CNTNAP3B: variants seen among roughly 807,000 people sequenced by gnomAD.
The protein encoded by CNTNAP3B is contactin associated protein family member 3B, also known as contactin-associated protein-like 3B.
Under a neutral mutation model 108.9 loss-of-function variants are expected in CNTNAP3B, and 25 were observed. The ratio of observed to expected loss-of-function variants is 0.23; its 90% CI spans 0.17 to 0.32. CNTNAP3B has a LOEUF of 0.32. Ranked by LOEUF, CNTNAP3B falls within the 10% of genes least tolerant of loss-of-function variation. The pLI, the probability that CNTNAP3B is intolerant of heterozygous loss-of-function variation, is 1.00. For synonymous variants in CNTNAP3B, 103 were observed against 473.4 expected (o/e 0.22, Z 10.16); for missense variants, 252 against 1,210.4 (o/e 0.21, Z 11.75).
chr9:41,943,510 G>A (rs1206346733), intron 13 of CNTNAP3B, among the ~76,000 whole-genome samples: 12 of 151,934 alleles, frequency 7.9e-5, no homozygotes, highest in Admixed American at 1.3e-4. Flanking sequence ...CTGCCACCAC[G>A]CCCAGCTAAT....
intron 4 of CNTNAP3B, among the ~76,000 whole-genome samples, chr9:42,001,780 T>C (rs1826010769): frequency 1.5e-5 from 2 of 133,226 alleles, no homozygotes; most frequent in Admixed American, 7.5e-5. Context: ...ATTAAGATTA[T>C]AGTTTTGATT....
At chr9:41,964,909 A>T (rs1361088597) in intron 10 of CNTNAP3B, among the ~76,000 whole-genome samples, 1 of 152,276 alleles carries the variant, frequency 6.6e-6, no homozygotes. Flanking sequence ...TGACACAATA[A>T]CTTGACATGT....
Position 42,119,170 on chromosome 9 carries a change from T to C in CNTNAP3B, c.85+9840A>G, listed in dbSNP as rs1828398191. ...ATCAATGTGCAAAAATCACAAGCAT[T>C]CTTATACACCAATAACAGACAAACA... is the stretch of plus-strand genomic sequence containing the variant. On this transcript the variant is annotated intron_variant, in intron 1 of 23. Coordinates refer to ENST00000377561, the MANE Select transcript of CNTNAP3B (RefSeq NM_001201380.3). Among the ~76,000 whole-genome samples the C allele has an allele frequency of 2.0e-5, 2 of 100,038 alleles. 1 individual carries two copies. The highest frequency in any genetic ancestry group is 8.0e-4 in the South Asian group (2 of 2,490). The allele number at this position is 100,038 out of a possible 152,430, so 65.6% of individuals were successfully genotyped here. A position where few individuals can be genotyped will look rare whatever the true frequency, so the allele number is the denominator to read the frequency against.
chr9:41,977,649 A>T (rs1307599693), intron 9 of CNTNAP3B, among the ~76,000 whole-genome samples: 1 of 124,330 alleles, frequency 8.0e-6, no homozygotes, highest in East Asian at 2.4e-4. Flanking sequence ...ACGGCGTCTC[A>T]CTCTGTCACC....
chr9:41,929,045 TG>T (rs1823899708), intron 15 of CNTNAP3B, among the ~76,000 whole-genome samples: 1 of 146,338 alleles, frequency 6.8e-6, no homozygotes, highest in African/African-American at 2.6e-5. Flanking sequence ...ATGATTGTTC[TG>T]GAAAAAATAC....
intron 3 of CNTNAP3B, among the ~76,000 whole-genome samples, chr9:42,024,509 A>C (rs1410044714): frequency 1.5e-4 from 14 of 94,878 alleles, no homozygotes; most frequent in African/African-American, 5.7e-4. Context: ...AGCTAGGTGC[A>C]TCAGGAGACT....
At chr9:41,957,488 A>G (rs1016937197) in intron 12 of CNTNAP3B, among the ~76,000 whole-genome samples, 1 of 124,286 alleles carries the variant, frequency 8.0e-6, no homozygotes, top group Non-Finnish European at 1.7e-5. Context: ...AGGTATCTCT[A>G]AGCTTAGGGA....
In CNTNAP3B at chr9:41,924,678, C is replaced by CACACACACACAT. The variant is rs1181966678; in HGVS notation, c.2366-586_2366-585insATGTGTGTGTGT. On this transcript the variant is annotated intron_variant, in intron 15 of 23. Transcript: ENST00000377561. ...ACACACACACACACACACACACACA[C>CACACACACACAT]ACACACACACACAGTCTTAATTCCT... is the stretch of plus-strand genomic sequence containing the variant. Among the ~76,000 whole-genome samples, 1,030 of 119,854 alleles carry CACACACACACAT rather than the reference C, an allele frequency of 8.6e-3. 3 individuals carry two copies. Among genetic ancestry groups the CACACACACACAT allele is most frequent in the Middle Eastern group, 0.013 (3 of 232 alleles). The allele number at this position is 119,854 out of a possible 152,430, so 78.6% of individuals were successfully genotyped here.
intron 14 of CNTNAP3B, among the ~76,000 whole-genome samples, chr9:41,937,159 G>A (rs1212915818): frequency 7.2e-6 from 1 of 138,026 alleles, no homozygotes; most frequent in African/African-American, 2.8e-5. Flanking sequence ...GTGGAGTCTT[G>A]CTCTGTCGCC....
intron 9 of CNTNAP3B, among the ~76,000 whole-genome samples, chr9:41,977,652 C>G (rs1393279455): frequency 2.3e-5 from 3 of 128,942 alleles, no homozygotes; most frequent in Admixed American, 7.8e-5. Flanking sequence ...GCGTCTCACT[C>G]TGTCACCCAG....
chr9:41,962,201 T>C (rs1383556619), intron 11 of CNTNAP3B, among the ~76,000 whole-genome samples: 1 of 152,208 alleles, frequency 6.6e-6, no homozygotes, highest in Non-Finnish European at 1.5e-5. Context: ...TACAATTAAT[T>C]AGTTGCACAT....
At chr9:41,950,997 G>A (rs796165038) in intron 13 of CNTNAP3B, among the ~76,000 whole-genome samples, 44 of 115,390 alleles carry the variant, frequency 3.8e-4, no homozygotes, top group South Asian at 5.6e-4. Context: ...CTCGTGATCC[G>A]CCCGCCTCGG....
rs989186253 is a variant in CNTNAP3B at position 41,979,017 on chromosome 9, G to A, written c.1477+7151C>T. Reference sequence around the variant, plus strand: ...CAGTGGGTGGTAAGGTCTGGGTCGGGTTCATCCCCAGGTGGGATGTGGGGT... The same window carrying A: ...CAGTGGGTGGTAAGGTCTGGGTCGGATTCATCCCCAGGTGGGATGTGGGGT... On this transcript the variant is annotated intron_variant, in intron 9 of 23. Transcript: ENST00000377561. 7.9e-5 allele frequency among the ~76,000 whole-genome samples: 11 copies of A among 139,870 alleles called. 2 individuals carry two copies. In the East Asian group the frequency reaches 1.5e-3, roughly 19 times the overall value. 91.8% of individuals were successfully genotyped at this position (139,870 alleles called of 152,430 possible). A position where few individuals can be genotyped will look rare whatever the true frequency, so the allele number is the denominator to read the frequency against.
At position 41,983,457 on chromosome 9, in the gene CNTNAP3B, A is replaced by AC. The variant is rs542049220; in HGVS notation, c.1477+2710_1477+2711insG. 589 of 82,944 alleles carry AC rather than the reference A, an allele frequency of 7.1e-3. 24 individuals carry two copies. Among genetic ancestry groups the AC allele is most frequent in the African/African-American group, 0.026 (564 of 21,386 alleles). 5.1% of individuals were successfully genotyped at this position (82,944 alleles called of 1,614,324 possible). ...TCAGTCCCATCCTAATAAAAAAAAA[A>AC]TCTCTGTTCCGTTTACTGTTTTCTT... On this transcript the variant is annotated intron_variant, in intron 9 of 23. Coordinates refer to ENST00000377561, the MANE Select transcript of CNTNAP3B (RefSeq NM_001201380.3).
At chr9:42,018,489 G>T (rs1315128543) in intron 3 of CNTNAP3B, among the ~76,000 whole-genome samples, 1 of 144,470 alleles carries the variant, frequency 6.9e-6, no homozygotes, top group Non-Finnish European at 1.5e-5. Flanking sequence ...CCAGCATGTG[G>T]ACCCAGTGCC....
intron 9 of CNTNAP3B, chr9:41,979,882 T>A (rs1825592683): frequency 8.0e-6 from 1 of 125,672 alleles, no homozygotes; most frequent in Admixed American, 7.9e-5. Context: ...GGCCACCACC[T>A]AAGATATATA....
At chr9:42,063,181 T>C (rs1827203585) in intron 3 of CNTNAP3B, among the ~76,000 whole-genome samples, 1 of 130,042 alleles carries the variant, frequency 7.7e-6, no homozygotes, top group African/African-American at 3.1e-5. Flanking sequence ...TCCTTTTCTT[T>C]CAGCCCGAAG....
chr9:41,989,853 G>T (rs1825773267), intron 8 of CNTNAP3B, among the ~76,000 whole-genome samples: 1 of 148,558 alleles, frequency 6.7e-6, no homozygotes, highest in Admixed American at 6.8e-5. Context: ...TTTAACGTAG[G>T]TGCCTGGCTC....
chr9:41,936,018 C>T (rs1180447235), intron 14 of CNTNAP3B, among the ~76,000 whole-genome samples: 3 of 152,344 alleles, frequency 2.0e-5, no homozygotes, highest in East Asian at 1.9e-4. Context: ...CCTAAGCATA[C>T]GTGAAGTCTA....
Sources: allele counts gnomAD v4.1 joint callset (sites outside exome capture counted in the v4.1 genomes callset), GRCh38; gene constraint gnomAD v4.1.1; transcripts MANE v1.5; gene names NCBI Gene and HGNC (gene_info 2026-07-23, HGNC 2026-07-21).